The following MAP6 variants were observed in gnomAD, a reference collection of about 807,000 sequenced individuals.
The protein encoded by MAP6 is microtubule associated protein 6, also known as microtubule-associated protein 6.
Under a neutral mutation model 42.4 loss-of-function variants are expected in MAP6, and 26 were observed. The observed-to-expected ratio is 0.61, with a 90% CI of 0.45 to 0.85. The LOEUF is 0.85. Ranked by LOEUF, MAP6 falls within the 40% of genes least tolerant of loss-of-function variation. The pLI is 0.00. For synonymous variants in MAP6, 418 were observed against 443.8 expected (o/e 0.94, Z 0.73); for missense variants, 966 against 1,099.0 (o/e 0.88, Z 1.71).
At chr11:75,625,685 C>T (rs1317741062) in intron 1 of MAP6, among the ~76,000 whole-genome samples, 1 of 152,142 alleles carries the variant, frequency 6.6e-6, no homozygotes, top group African/African-American at 2.4e-5. Context: ...AGTTTCTGTA[C>T]AGAAAACAAA....
At chr11:75,648,723 T>C (rs1391146594) in intron 1 of MAP6, among the ~76,000 whole-genome samples, 1 of 151,964 alleles carries the variant, frequency 6.6e-6, no homozygotes, top group Non-Finnish European at 1.5e-5. Flanking sequence ...GTAATCAGAA[T>C]CAATGCAGGC....
intron 1 of MAP6, among the ~76,000 whole-genome samples, chr11:75,657,358 G>A (rs1050424621): frequency 3.3e-5 from 5 of 152,124 alleles, no homozygotes; most frequent in Non-Finnish European, 7.4e-5. Flanking sequence ...TGATCCGCCC[G>A]CCTTGGTGTC....
chr11:75,650,538 T>C (rs1292829181), intron 1 of MAP6, among the ~76,000 whole-genome samples: 1 of 152,206 alleles, frequency 6.6e-6, no homozygotes, highest in South Asian at 2.1e-4. Context: ...AAGAACATAG[T>C]TCAGAGTCTG....
intron 1 of MAP6, among the ~76,000 whole-genome samples, chr11:75,662,506 A>T (rs958932743): frequency 1.3e-5 from 2 of 152,230 alleles, no homozygotes; most frequent in African/African-American, 4.8e-5. Context: ...ATTTTTTCCC[A>T]AGTAAAGCTT....
intron 1 of MAP6, among the ~76,000 whole-genome samples, chr11:75,621,017 G>A (rs898014560): frequency 2.6e-5 from 4 of 152,046 alleles, no homozygotes; most frequent in Non-Finnish European, 5.9e-5. Flanking sequence ...TGTAGTCCCA[G>A]CTACTTGGGA....
intron 3 of MAP6, 127 bp from the exon 4 acceptor site, chr11:75,588,311 G>A (rs1942404125): frequency 1.7e-6 from 1 of 591,794 alleles, no homozygotes; most frequent in African/African-American, 1.9e-5. Flanking sequence ...GGAGAGCCAG[G>A]AGAATATGAT....
At chr11:75,665,533 G>A (rs1261059660) in intron 1 of MAP6, among the ~76,000 whole-genome samples, 1 of 152,206 alleles carries the variant, frequency 6.6e-6, no homozygotes. Flanking sequence ...GTGCTAGAAT[G>A]AGAGTGGGAA....
At position 75,625,248 on chromosome 11, in the gene MAP6, T is replaced by C. The variant is rs1943176494; in HGVS notation, c.906-16926A>G. ...CTTTAGAGGCATTTTCCAGGCAGCCTGGGATGGCAGGTCCAAGCCCATCAT... is the reference window on the plus strand; with the variant it reads ...CTTTAGAGGCATTTTCCAGGCAGCCCGGGATGGCAGGTCCAAGCCCATCAT... On this transcript the variant is annotated intron_variant, in intron 1 of 3. Transcript: ENST00000304771. 2.0e-5 allele frequency among the ~76,000 whole-genome samples: 3 copies of C among 152,188 alleles called. No homozygotes were observed. The South Asian group carries it at 6.2e-4, about 32-fold the overall frequency.
chr11:75,587,692 G>C lies in MAP6; in HGVS notation c.1809C>G (p.Val603=), dbSNP rs1942385235. 2 of 1,612,840 alleles carry C rather than the reference G, an allele frequency of 1.2e-6. No homozygotes were observed. The highest frequency in any genetic ancestry group is 2.7e-5 in the African/African-American group (2 of 74,726). ...KDQGPMVSAP[V]KDQGPIVPAP... is the part of the protein sequence containing the mutation. ...CTGGGACTATGGGACCTTGATCCTT[G>C]ACAGGTGCTGAGACCATGGGACCTT... Residue 603 remains valine (V), a synonymous_variant, in exon 4 of 4, where the codon GTC becomes GTG. Transcript: ENST00000304771.
At chr11:75,640,216 TAC>T (rs1266663630) in intron 1 of MAP6, among the ~76,000 whole-genome samples, 1 of 125,490 alleles carries the variant, frequency 8.0e-6, no homozygotes, top group African/African-American at 3.0e-5. Context: ...CTCACACACA[TAC>T]ACACACACTC....
chr11:75,643,161 T>C (rs1470498370), intron 1 of MAP6, among the ~76,000 whole-genome samples: 1 of 151,830 alleles, frequency 6.6e-6, no homozygotes, highest in Non-Finnish European at 1.5e-5. Flanking sequence ...TATTATTATT[T>C]GTAAATTGCG....
chr11:75,589,232 C>T lies in MAP6; in HGVS notation c.1317-1048G>A, dbSNP rs569088965. On this transcript the variant is annotated intron_variant, in intron 3 of 3. Coordinates refer to ENST00000304771, the MANE Select transcript of MAP6 (RefSeq NM_033063.2). ...TCAGAATCCTCAGGCACTGTTCCCT[C>T]GCCTCACTGTGGCCGTCTGCCTCAT... Among the ~76,000 whole-genome samples the T allele has an allele frequency of 6.6e-5, 10 of 152,346 alleles. No individual in the cohort carries two copies. The South Asian group carries it at 8.3e-4, about 13-fold the overall frequency.
intron 1 of MAP6, among the ~76,000 whole-genome samples, chr11:75,659,495 A>G (rs1013680483): frequency 6.6e-6 from 1 of 152,218 alleles, no homozygotes; most frequent in East Asian, 1.9e-4. Context: ...TCTAACAGGG[A>G]AGTAACAGCA....
Position 75,667,821 on chromosome 11 carries a change from G to C in MAP6, c.549C>G (p.Ala183=). Residue 183 remains alanine, a synonymous_variant, in exon 1 of 4, where the codon GCC becomes GCG. Coordinates refer to ENST00000304771, the MANE Select transcript of MAP6 (RefSeq NM_033063.2). This position sits in a 1 kb window ranked among gnomAD's most constrained non-coding sequence, Gnocchi z 5.6. The part of the protein sequence containing the change: ...WIPKPVQISA[A]SQASAPILGA... ...CGAGAATGGGCGCCGACGCCTGGGA[G>C]GCCGCAGAGATCTGCACGGGCTTGG... is the stretch of plus-strand genomic sequence containing the variant. 9 of 1,327,698 alleles carry C rather than the reference G, an allele frequency of 6.8e-6. No individual in the cohort carries two copies. The highest frequency in any genetic ancestry group is 7.7e-6 in the Non-Finnish European group (8 of 1,038,002). The allele number at this position is 1,327,698 out of a possible 1,614,324, so 82.2% of individuals were successfully genotyped here.
At position 75,668,042 on chromosome 11, in the gene MAP6, AGCCCAG is replaced by A; in HGVS notation, c.322_327del (p.Leu108_Gly109del). Reference sequence around the variant, plus strand: ...TCCGCGGGGCCGGAGGTGGAGCCGGAGCCCAGGCCCGGGCCCGGCCCGCTCCGGCCG... The same window carrying A: ...TCCGCGGGGCCGGAGGTGGAGCCGGAGCCCGGGCCCGGCCCGCTCCGGCCG... On this transcript the variant is annotated inframe_deletion, in exon 1 of 4. Transcript: ENST00000304771. 8.1e-7 allele frequency: 1 copy of A among 1,227,358 alleles called. No homozygotes were observed. The allele number at this position is 1,227,358 out of a possible 1,614,324, so 76.0% of individuals were successfully genotyped here.
intron 1 of MAP6, 45 bp from the exon 2 acceptor site, chr11:75,608,367 T>C (rs747689401): frequency 4.6e-6 from 7 of 1,515,410 alleles, no homozygotes; most frequent in Admixed American, 1.7e-5. Context: ...ATCATCTGCC[T>C]GGAAGCAGAG....
chr11:75,654,611 T>C (rs555161408), intron 1 of MAP6, among the ~76,000 whole-genome samples: 44 of 152,352 alleles, frequency 2.9e-4, no homozygotes, highest in African/African-American at 9.9e-4. Context: ...GTGATTCATC[T>C]GAGATGCAAT....
At position 75,588,154 on chromosome 11, in the gene MAP6, A is replaced by T. The variant is rs1942399313; in HGVS notation, c.1347T>A (p.Ser449Arg). 6.2e-7 allele frequency: 1 copy of T among 1,613,112 alleles called. No homozygotes were observed. The highest frequency in any genetic ancestry group is 1.7e-5 in the Admixed American group (1 of 59,874). ...CTGTGGCTACAGGACCTTGAGTCTTACTTGAATCACTGACGGGTTGAGCCA... is the reference window on the plus strand; with the variant it reads ...CTGTGGCTACAGGACCTTGAGTCTTTCTTGAATCACTGACGGGTTGAGCCA... ...ESLAQPVSDS[S>R]KTQGPVATEP... The change falls in exon 4 of 4, where the codon AGT becomes AGA. Residue 449 changes from serine (S) to arginine (R), a missense_variant. Coordinates refer to ENST00000304771, the MANE Select transcript of MAP6 (RefSeq NM_033063.2).
intron 1 of MAP6, among the ~76,000 whole-genome samples, chr11:75,631,812 G>A (rs973775420): frequency 2.0e-5 from 3 of 152,202 alleles, no homozygotes; most frequent in Non-Finnish European, 2.9e-5. Context: ...GCTGTCGCAG[G>A]AGATAGGCAC....
Sources: allele counts gnomAD v4.1 joint callset (sites outside exome capture counted in the v4.1 genomes callset), GRCh38; gene constraint gnomAD v4.1.1; non-coding constraint Gnocchi (gnomAD v3.1); transcripts MANE v1.5; gene names NCBI Gene and HGNC (gene_info 2026-07-23, HGNC 2026-07-21).